Variants in ACOX3 observed in about 807,000 individuals in gnomAD.
ACOX3 encodes peroxisomal acyl-coenzyme A oxidase 3.
Under a neutral mutation model 81.5 loss-of-function variants are expected in ACOX3, and 73 were observed. The observed-to-expected ratio is 0.90, with a 90% CI of 0.74 to 1.09. The LOEUF (loss-of-function observed/expected upper bound fraction) is 1.09, where lower values mean the gene tolerates loss of function less well. Among genes scored for constraint, ACOX3 ranks in the 50% least tolerant of loss-of-function variants. The probability of loss-of-function intolerance (pLI) is 0.00; values close to 1 mark genes in which losing one functional copy is unlikely to be tolerated. For missense variants in ACOX3, 947 were observed against 928.0 expected (o/e 1.02, Z -0.27); for synonymous variants, 387 against 375.1 (o/e 1.03, Z -0.37).
In ACOX3 at chr4:8,375,057, C is replaced by T. The variant is rs377720788; in HGVS notation, c.1749G>A (p.Ser583=). 1.9e-5 allele frequency: 29 copies of T among 1,554,644 alleles called. No homozygotes were observed. The highest frequency in any genetic ancestry group is 2.7e-5 in the African/African-American group (2 of 73,672). ...EHVHQPSVPP[S]LRAVLGRLSA... ...TGAGCCGCCCCAGCACGGCCCGCAG[C>T]GAGGGCGGCACGGAAGGCTGGTGCA... The change falls in exon 15 of 18, where the codon TCG becomes TCA. Residue 583 remains serine (S), a synonymous_variant. Coordinates refer to ENST00000356406, the MANE Select transcript of ACOX3 (RefSeq NM_003501.3).
intron 11 of ACOX3, 101 bp downstream of exon 11, chr4:8,392,232 G>C: frequency 7.5e-7 from 1 of 1,324,566 alleles, no homozygotes; most frequent in Non-Finnish European, 9.8e-7. Context: ...ACAGGTGGCA[G>C]GCTGGATTTG....
At chr4:8,388,906 T>A (rs1718625739) in intron 13 of ACOX3, among the ~76,000 whole-genome samples, 1 of 152,094 alleles carries the variant, frequency 6.6e-6, no homozygotes, top group Non-Finnish European at 1.5e-5. Context: ...ACGCCCTTTA[T>A]CCTATGGGAG....
At chr4:8,363,262 C>T (rs1356700156), downstream of ACOX3, among the ~76,000 whole-genome samples, 1 of 152,216 alleles carries the variant, frequency 6.6e-6, no homozygotes, top group Non-Finnish European at 1.5e-5. Flanking sequence ...TAATTTAGTT[C>T]ACTTGGGATA....
At chr4:8,415,359 G>C (rs933673562) in intron 3 of ACOX3, among the ~76,000 whole-genome samples, 1 of 151,864 alleles carries the variant, frequency 6.6e-6, no homozygotes, top group African/African-American at 2.4e-5. Flanking sequence ...CTGCTGGTAT[G>C]TTACAAAGGA....
At chr4:8,364,648 T>G (rs1715318137), downstream of ACOX3, among the ~76,000 whole-genome samples, 2 of 152,200 alleles carry the variant, frequency 1.3e-5, no homozygotes, top group Admixed American at 1.3e-4. The surrounding 1 kb of genome is among the most constrained non-coding windows in gnomAD (Gnocchi z 5.0). Context: ...ATCACAAAGC[T>G]CTCCTGCATG....
At chr4:8,392,127 C>T (rs756098794) in intron 11 of ACOX3, among the ~76,000 whole-genome samples, 2 of 152,244 alleles carry the variant, frequency 1.3e-5, no homozygotes, top group African/African-American at 2.4e-5. Flanking sequence ...GCTGCGATTA[C>T]TCATCTCTGC....
rs545521610 is a variant in ACOX3 at position 8,387,728 on chromosome 4, C to T, written c.1537+1445G>A. ...CCCAGACCACTGGGCAAGAAGCATC[C>T]AGGAGCAGTAACGAGAGATCCCGAG... On this transcript the variant is annotated intron_variant, in intron 13 of 17. Transcript: ENST00000356406. Among the ~76,000 whole-genome samples, 564 of 152,304 alleles carry T rather than the reference C, an allele frequency of 3.7e-3. 2 individuals carry two copies. The highest frequency in any genetic ancestry group is 0.013 in the African/African-American group (535 of 41,566).
chr4:8,421,426 C>T lies in ACOX3; in HGVS notation c.-14-4891G>A, dbSNP rs187240566. 9.2e-5 allele frequency among the ~76,000 whole-genome samples: 14 copies of T among 152,350 alleles called. 1 individual carries two copies. The East Asian group carries it at 2.7e-3, about 29-fold the overall frequency. On this transcript the variant is annotated intron_variant, in intron 1 of 17. Transcript: ENST00000356406. ...CTGACTAGAGGCAGAAAGCTGTCGT[C>T]CCAAATTCCCGGCATTGGCCGGTCA... is the stretch of plus-strand genomic sequence containing the variant.
rs1048052837 is a variant in ACOX3 at position 8,389,086 on chromosome 4, G to A, written c.1537+87C>T. ...CTGCTGCCCCGGCTGGAACTGCCAA[G>A]GGTCCCCTCACCGAGGCACGGTGCG... On this transcript the variant is annotated intron_variant, in intron 13 of 17. Coordinates refer to ENST00000356406, the MANE Select transcript of ACOX3 (RefSeq NM_003501.3). This position sits in a 1 kb window ranked among gnomAD's most constrained non-coding sequence, Gnocchi z 5.3. The A allele has an allele frequency of 2.7e-6, 3 of 1,109,766 alleles. No individual in the cohort carries two copies. The South Asian group carries it at 4.1e-5, about 15-fold the overall frequency. The allele number at this position is 1,109,766 out of a possible 1,614,324, so 68.7% of individuals were successfully genotyped here.
Position 8,437,140 on chromosome 4 carries a change from T to A in ACOX3, c.-15+3508A>T, listed in dbSNP as rs1340519768. ...AAAAAAATATATGTAAATATATATATAAATATATATATAGTGAATACTTCG... is the reference window on the plus strand; with the variant it reads ...AAAAAAATATATGTAAATATATATAAAAATATATATATAGTGAATACTTCG... On this transcript the variant is annotated intron_variant, in intron 1 of 17. Transcript: ENST00000356406. This position sits in a 1 kb window ranked among gnomAD's most constrained non-coding sequence, Gnocchi z 5.2. 5.0e-5 allele frequency among the ~76,000 whole-genome samples: 7 copies of A among 141,066 alleles called. No individual in the cohort carries two copies. Among genetic ancestry groups the A allele is most frequent in the Non-Finnish European group, 7.6e-5 (5 of 66,206 alleles). 92.5% of individuals were successfully genotyped at this position (141,066 alleles called of 152,430 possible).
intron 7 of ACOX3, among the ~76,000 whole-genome samples, chr4:8,404,550 C>G (rs1436477088): frequency 6.6e-6 from 1 of 150,636 alleles, no homozygotes; most frequent in East Asian, 2.0e-4. Flanking sequence ...CTCTTTAGTA[C>G]AGTCTGGGGC....
intron 1 of ACOX3, among the ~76,000 whole-genome samples, chr4:8,420,231 T>C (rs1722786678): frequency 6.6e-6 from 1 of 152,206 alleles, no homozygotes; most frequent in Non-Finnish European, 1.5e-5. Context: ...CCAACCTTAC[T>C]GCATTATGGT....
At chr4:8,397,634 C>T (rs1388009368) in intron 8 of ACOX3, among the ~76,000 whole-genome samples, 1 of 152,222 alleles carries the variant, frequency 6.6e-6, no homozygotes, top group Non-Finnish European at 1.5e-5. Flanking sequence ...TCTCCTCGCA[C>T]GCATCAGCGG....
intron 16 of ACOX3, among the ~76,000 whole-genome samples, 171 bp downstream of exon 16, chr4:8,373,390 G>A (rs558239102): frequency 1.3e-5 from 2 of 150,614 alleles, no homozygotes; most frequent in African/African-American, 4.9e-5. Flanking sequence ...GGTGCGTGTC[G>A]GTCTGGGTAA....
chr4:8,367,113 A>G (rs2108774230), intron 17 of ACOX3, 33 bp from the exon 18 acceptor site: 1 of 1,605,670 alleles, frequency 6.2e-7, no homozygotes, highest in Non-Finnish European at 8.5e-7. Context: ...AAGTGAAGAC[A>G]AAGAAATAAG....
At chr4:8,357,506 G>C in the ACOX3 span, 2 of 321,664 alleles carry the variant, frequency 6.2e-6, no homozygotes, top group African/African-American at 2.2e-5. Context: ...TACCAAAATA[G>C]TACCTAATAA....
chr4:8,358,755 G>T, the ACOX3 span, among the ~76,000 whole-genome samples: 44 of 152,306 alleles, frequency 2.9e-4, no homozygotes, highest in African/African-American at 1.1e-3. Context: ...ACGTCAGGAT[G>T]CTACCCTATA....
Position 8,414,466 on chromosome 4 carries a change from T to A in ACOX3, c.454-85A>T. 1 of 1,242,394 alleles carries A rather than the reference T, an allele frequency of 8.0e-7. No homozygotes were observed. The highest frequency in any genetic ancestry group is 1.2e-6 in the Non-Finnish European group (1 of 852,200). 77.0% of individuals were successfully genotyped at this position (1,242,394 alleles called of 1,614,324 possible). On this transcript the variant is annotated intron_variant, in intron 4 of 17. Transcript: ENST00000356406. This position sits in a 1 kb window ranked among gnomAD's most constrained non-coding sequence, Gnocchi z 6.1. The stretch of plus-strand genomic sequence containing the variant: ...AAGGACCTCACTGCCATCTTTCCTT[T>A]AAAGATGAAACCACATATCAAAGCC...
chr4:8,389,075 G>A lies in ACOX3; in HGVS notation c.1537+98C>T, dbSNP rs571839254. On this transcript the variant is annotated intron_variant, in intron 13 of 17. Coordinates refer to ENST00000356406, the MANE Select transcript of ACOX3 (RefSeq NM_003501.3). This position sits in a 1 kb window ranked among gnomAD's most constrained non-coding sequence, Gnocchi z 5.3. ...TCCCACCACCACTGCTGCCCCGGCTGGAACTGCCAAGGGTCCCCTCACCGA... is the reference window on the plus strand; with the variant it reads ...TCCCACCACCACTGCTGCCCCGGCTAGAACTGCCAAGGGTCCCCTCACCGA... 13 of 961,400 alleles carry A rather than the reference G, an allele frequency of 1.4e-5. No individual in the cohort carries two copies. In the Admixed American group the frequency reaches 2.7e-4, roughly 20 times the overall value. 59.6% of individuals were successfully genotyped at this position (961,400 alleles called of 1,614,324 possible). A position where few individuals can be genotyped will look rare whatever the true frequency, so the allele number is the denominator to read the frequency against.
Sources: gnomAD v4.1 joint callset for allele counts (sites outside exome capture counted in the v4.1 genomes callset) on GRCh38, gnomAD v4.1.1 for gene constraint, Gnocchi (gnomAD v3.1) non-coding constraint, MANE v1.5 for transcripts, NCBI Gene and HGNC (gene_info 2026-07-23, HGNC 2026-07-21) for gene names.